Variants in PRKN observed in about 807,000 individuals in gnomAD.
PRKN encodes the protein parkin RBR E3 ubiquitin protein ligase, also known as E3 ubiquitin-protein ligase parkin.
Under a neutral mutation model 59.5 loss-of-function variants are expected in PRKN, and 56 were observed. That is an observed-to-expected ratio of 0.94 (90% CI 0.76 to 1.18). PRKN has a LOEUF of 1.18. Ranked by LOEUF, PRKN falls within the 50% of genes most tolerant of loss-of-function variation. The probability of loss-of-function intolerance (pLI) is 0.00; values close to 1 mark genes in which losing one functional copy is unlikely to be tolerated. For synonymous variants in PRKN, 250 were observed against 222.1 expected, an observed-to-expected ratio of 1.13 and a Z score of -1.12; for missense variants, 657 against 596.4, an observed-to-expected ratio of 1.10 and a Z score of -1.06.
At chr6:162,644,253 T>C (rs1778078017) in intron 1 of PRKN, among the ~76,000 whole-genome samples, 1 of 151,956 alleles carries the variant, frequency 6.6e-6, no homozygotes, top group African/African-American at 2.4e-5. Context: ...ACCCTCACAG[T>C]CCACACCATC....
chr6:162,718,876 T>C (rs1245999621), intron 1 of PRKN, among the ~76,000 whole-genome samples: 1 of 152,120 alleles, frequency 6.6e-6, no homozygotes, highest in African/African-American at 2.4e-5. Flanking sequence ...TTCTTTGAAA[T>C]CAAGATGATA....
At chr6:161,748,238 C>A (rs1048468798) in intron 7 of PRKN, among the ~76,000 whole-genome samples, 9 of 151,960 alleles carry the variant, frequency 5.9e-5, no homozygotes, top group African/African-American at 2.2e-4. Context: ...TAGTGATGGG[C>A]ACAATGTACT....
intron 3 of PRKN, among the ~76,000 whole-genome samples, chr6:162,220,931 G>A (rs574879849): frequency 1.3e-5 from 2 of 152,286 alleles, no homozygotes; most frequent in African/African-American, 4.8e-5. Flanking sequence ...TATTGTGAAT[G>A]TATTGAGCTA....
intron 5 of PRKN, among the ~76,000 whole-genome samples, chr6:161,990,000 C>T (rs1249430670): frequency 1.3e-5 from 2 of 152,108 alleles, no homozygotes. Context: ...CATATGCTGA[C>T]TAGGAACCAG....
At chr6:161,571,726 A>T (rs968699824) in intron 7 of PRKN, among the ~76,000 whole-genome samples, 1 of 152,106 alleles carries the variant, frequency 6.6e-6, no homozygotes, top group African/African-American at 2.4e-5. Flanking sequence ...AGCTGATAAC[A>T]TGTTATTTCT....
chr6:162,573,760 A>C lies in PRKN; in HGVS notation c.8-130287T>G, dbSNP rs562935168. ...TTGTACAAACGTGAAATACATTTAC[A>C]TAAGTTCATTTAAAGGGAATGTATA... On this transcript the variant is annotated intron_variant, in intron 1 of 11. Transcript: ENST00000366898. 1.2e-4 allele frequency among the ~76,000 whole-genome samples: 19 copies of C among 152,328 alleles called. No homozygotes were observed. In the East Asian group the frequency reaches 3.5e-3, roughly 28 times the overall value.
chr6:162,252,999 C>T (rs1779498146), intron 3 of PRKN, among the ~76,000 whole-genome samples: 1 of 152,212 alleles, frequency 6.6e-6, no homozygotes, highest in South Asian at 2.1e-4. Context: ...AGGAAATGCC[C>T]CTGCTTCCTG....
intron 6 of PRKN, among the ~76,000 whole-genome samples, chr6:161,926,588 T>C (rs985754786): frequency 3.9e-5 from 6 of 152,180 alleles, no homozygotes; most frequent in Admixed American, 3.9e-4. Context: ...TTCAACACAT[T>C]CCTGGGGCCT....
chr6:162,569,514 C>T (rs560345052), intron 1 of PRKN: 1 of 703,282 alleles, frequency 1.4e-6, no homozygotes, highest in Non-Finnish European at 2.7e-6. Context: ...AGTATCCATA[C>T]AAAGACCACC....
chr6:161,426,658 C>T (rs1415579234), intron 9 of PRKN, among the ~76,000 whole-genome samples: 2 of 114,152 alleles, frequency 1.8e-5, no homozygotes, highest in Non-Finnish European at 3.5e-5. Flanking sequence ...CACACACACA[C>T]ACACACACAC....
At chr6:161,834,631 G>A (rs1792663926) in intron 6 of PRKN, among the ~76,000 whole-genome samples, 3 of 152,248 alleles carry the variant, frequency 2.0e-5, no homozygotes, top group Admixed American at 2.0e-4. Context: ...TTACATTGTA[G>A]ACACTGCATT....
chr6:162,430,714 G>A (rs1789480952), intron 2 of PRKN, among the ~76,000 whole-genome samples: 1 of 152,114 alleles, frequency 6.6e-6, no homozygotes. Context: ...CAAGGGGCAT[G>A]TAGTAACTCC....
intron 1 of PRKN, among the ~76,000 whole-genome samples, chr6:162,612,192 C>CAAAA (rs796515239): frequency 2.7e-3 from 176 of 64,716 alleles, no homozygotes; most frequent in East Asian, 5.5e-3. Context: ...GACTCCATCT[C>CAAAA]AAAAAAAAAA....
chr6:162,393,155 C>CTTT (rs1177332315), intron 2 of PRKN, among the ~76,000 whole-genome samples: 931 of 80,098 alleles, frequency 0.012, 129 homozygotes, highest in Middle Eastern at 0.059. Flanking sequence ...ATAGGAGATT[C>CTTT]TTTTTTTTTT....
intron 8 of PRKN, among the ~76,000 whole-genome samples, chr6:161,555,322 G>A (rs956844936): frequency 2.0e-5 from 3 of 152,140 alleles, no homozygotes; most frequent in African/African-American, 4.8e-5. Context: ...CCATAAGGAT[G>A]CTATTTTGTT....
chr6:162,169,488 A>C (rs981277797), intron 4 of PRKN, among the ~76,000 whole-genome samples: 1 of 152,050 alleles, frequency 6.6e-6, no homozygotes, highest in Admixed American at 6.6e-5. Flanking sequence ...ATCACATGTT[A>C]TGTAAAAAAA....
chr6:161,376,800 G>A lies in PRKN; in HGVS notation c.1167+9994C>T, dbSNP rs1385419077. On this transcript the variant is annotated intron_variant, in intron 10 of 11. Coordinates refer to ENST00000366898, the MANE Select transcript of PRKN (RefSeq NM_004562.3). This position sits in a 1 kb window ranked among gnomAD's most constrained non-coding sequence, Gnocchi z 7.3. ...ACCCTGCTTCCTTCTCTTCCTGAAG[G>A]TGCTGTTGAGAGCACCCCAAGACAC... Among the ~76,000 whole-genome samples, 5 of 152,176 alleles carry A rather than the reference G, an allele frequency of 3.3e-5. No homozygotes were observed. The highest frequency in any genetic ancestry group is 7.3e-5 in the Non-Finnish European group (5 of 68,042).
In PRKN at chr6:161,980,304, G is replaced by GA. The variant is rs756289676; in HGVS notation, c.619-6888dup. Among the ~76,000 whole-genome samples, 858 of 151,024 alleles carry GA rather than the reference G, an allele frequency of 5.7e-3. 11 individuals are homozygous for GA. The highest frequency in any genetic ancestry group is 0.018 in the African/African-American group (726 of 41,246). ...CCTTCTTAGTTAATATTTCCCAAAA[G>GA]AAAAAAAAACTATCCTTCTCTTGAT... On this transcript the variant is annotated intron_variant, in intron 5 of 11. Transcript: ENST00000366898.
At chr6:162,049,150 C>G (rs1175743380) in intron 5 of PRKN, among the ~76,000 whole-genome samples, 2 of 152,042 alleles carry the variant, frequency 1.3e-5, no homozygotes, top group Non-Finnish European at 2.9e-5. Flanking sequence ...CTATTTAAAA[C>G]TATCTACTAA....
Sources: gnomAD v4.1 joint callset for allele counts (sites outside exome capture counted in the v4.1 genomes callset) on GRCh38, gnomAD v4.1.1 for gene constraint, Gnocchi (gnomAD v3.1) non-coding constraint, MANE v1.5 for transcripts, NCBI Gene and HGNC (gene_info 2026-07-23, HGNC 2026-07-21) for gene names.